Variants in FGF1 observed in about 807,000 individuals in gnomAD.
The protein encoded by FGF1 is beta-endothelial cell growth factor.
Under a neutral mutation model 13.4 loss-of-function variants are expected in FGF1, and 9 were observed. The observed-to-expected ratio is 0.67, with a 90% CI of 0.40 to 1.17. The LOEUF is 1.17. Among genes scored for constraint, FGF1 ranks in the 50% most tolerant of loss-of-function variants. FGF1 has a pLI of 0.01. For synonymous variants in FGF1, 93 were observed against 79.0 expected (o/e 1.18, Z -0.94); for missense variants, 156 against 192.7 (o/e 0.81, Z 1.13).
chr5:142,617,576 G>A (rs1275471942), intron 1 of FGF1, among the ~76,000 whole-genome samples: 2 of 152,068 alleles, frequency 1.3e-5, no homozygotes, highest in East Asian at 3.9e-4. Context: ...CAGTGAGAGG[G>A]AGCATCATGA....
At chr5:142,615,953 C>A (rs1034989715) in intron 1 of FGF1, among the ~76,000 whole-genome samples, 12 of 152,216 alleles carry the variant, frequency 7.9e-5, no homozygotes, top group African/African-American at 2.9e-4. Flanking sequence ...GTTGGCTAGT[C>A]TCCACCAACA....
At position 142,693,239 on chromosome 5, in the gene FGF1, G is replaced by A. The variant is rs768608395; in HGVS notation, c.-35+4383C>T. 7.2e-5 allele frequency among the ~76,000 whole-genome samples: 11 copies of A among 152,100 alleles called. 1 individual carries two copies. In the South Asian group the frequency reaches 8.3e-4, roughly 11 times the overall value. On this transcript the variant is annotated intron_variant, in intron 2 of 4. Coordinates refer to the FGF1 transcript ENST00000407758. Reference sequence around the variant, plus strand: ...TCACATCCTTTGGCAAAGCCCTGTCGCGGGGTTAATTATTTCAATAGCAGT... The same window carrying A: ...TCACATCCTTTGGCAAAGCCCTGTCACGGGGTTAATTATTTCAATAGCAGT...
chr5:142,658,424 A>G (rs1768565345), intron 1 of FGF1, among the ~76,000 whole-genome samples: 1 of 152,222 alleles, frequency 6.6e-6, no homozygotes, highest in African/African-American at 2.4e-5. Context: ...CACTGCCTAA[A>G]GGCCAAAGGC....
chr5:142,645,852 CCA>C (rs1194840506), intron 1 of FGF1, among the ~76,000 whole-genome samples: 2 of 152,206 alleles, frequency 1.3e-5, no homozygotes, highest in African/African-American at 4.8e-5. Flanking sequence ...CAACCTCCCT[CCA>C]CAGTCACTGC....
At chr5:142,698,066 C>T (rs916457910), upstream of FGF1, 1 of 152,256 alleles carries the variant, frequency 6.6e-6, no homozygotes, top group African/African-American at 2.4e-5. Flanking sequence ...CTCCCCCTCT[C>T]ATGTGATCTT....
intron 2 of FGF1, among the ~76,000 whole-genome samples, chr5:142,607,107 C>T (rs1757850542): frequency 1.3e-5 from 2 of 152,022 alleles, no homozygotes; most frequent in Admixed American, 1.3e-4. Context: ...CCTCGTGACC[C>T]CTGAGATGTT....
chr5:142,672,341 A>G (rs1771631043), intron 1 of FGF1, among the ~76,000 whole-genome samples: 1 of 152,114 alleles, frequency 6.6e-6, no homozygotes, highest in Admixed American at 6.5e-5. Flanking sequence ...TAACTGAACA[A>G]TTTAATTAAA....
chr5:142,638,474 C>A lies in FGF1; in HGVS notation c.-34-24313G>T, dbSNP rs746678725. Among the ~76,000 whole-genome samples the A allele has an allele frequency of 9.2e-5, 14 of 152,126 alleles. No homozygotes were observed. The Middle Eastern group carries it at 0.01, about 111-fold the overall frequency. On this transcript the variant is annotated intron_variant, in intron 1 of 3. Transcript: ENST00000337706. ...TTTTTATCCCATGTCTAGCATAAGC[C>A]TGGCACATAATATGTGCTTAATAAA...
At chr5:142,664,966 C>T (rs921158362) in intron 1 of FGF1, among the ~76,000 whole-genome samples, 2 of 152,144 alleles carry the variant, frequency 1.3e-5, no homozygotes, top group Admixed American at 6.5e-5. Flanking sequence ...CACAGTGCTG[C>T]ATTGTATAAA....
intron 2 of FGF1, among the ~76,000 whole-genome samples, chr5:142,610,039 GGAAGCA>G (rs1758718083): frequency 6.6e-6 from 1 of 152,182 alleles, no homozygotes. Context: ...CCTTAATCCT[GGAAGCA>G]GAAGATGTGG....
intron 1 of FGF1, among the ~76,000 whole-genome samples, chr5:142,684,938 C>T (rs1182094675): frequency 8.0e-6 from 1 of 125,220 alleles, no homozygotes; most frequent in Non-Finnish European, 1.7e-5. Flanking sequence ...AGGAGGGAGG[C>T]AAGCGGGGGT....
chr5:142,624,404 T>A (rs78731703), intron 1 of FGF1, among the ~76,000 whole-genome samples: 1,682 of 152,332 alleles, frequency 0.011, 18 homozygotes, highest in Non-Finnish European at 0.018. Flanking sequence ...AAAAATACCA[T>A]GTTCTAAGTG....
chr5:142,666,593 T>C (rs1213340430), intron 1 of FGF1, among the ~76,000 whole-genome samples: 1 of 152,046 alleles, frequency 6.6e-6, no homozygotes, highest in African/African-American at 2.4e-5. Context: ...AAGTGGCATA[T>C]AAAGATGTCT....
At chr5:142,641,650 C>CTTTGTTATCTCATGA (rs1299555127) in intron 1 of FGF1, among the ~76,000 whole-genome samples, 3 of 151,904 alleles carry the variant, frequency 2.0e-5, no homozygotes, top group African/African-American at 7.3e-5. Flanking sequence ...TTATTGAGTA[C>CTTTGTTATCTCATGA]TTTGTTATCT....
rs1754510780 is a variant in FGF1 at position 142,592,752 on chromosome 5, T to G, written c.*2538A>C. On this transcript the variant is annotated 3_prime_UTR_variant, in exon 4 of 4. Coordinates refer to ENST00000337706, the MANE Select transcript of FGF1 (RefSeq NM_000800.5). ...GACCCGGTTCTAAAGTTGAAAATGC[T>G]AAGTTTACCTTGCCATGTCCTCTGA... 3.5e-6 allele frequency: 1 copy of G among 287,254 alleles called. No individual in the cohort carries two copies. Among genetic ancestry groups the G allele is most frequent in the East Asian group, 6.0e-5 (1 of 16,710 alleles). 17.8% of individuals were successfully genotyped at this position (287,254 alleles called of 1,614,324 possible). A position where few individuals can be genotyped will look rare whatever the true frequency, so the allele number is the denominator to read the frequency against.
At chr5:142,630,489 T>A (rs746996976) in intron 1 of FGF1, among the ~76,000 whole-genome samples, 4 of 152,218 alleles carry the variant, frequency 2.6e-5, no homozygotes, top group Admixed American at 6.5e-5. Context: ...AAAGTTTATA[T>A]CAGATTGGCT....
chr5:142,625,151 C>T (rs1762242951), intron 1 of FGF1, among the ~76,000 whole-genome samples: 1 of 152,126 alleles, frequency 6.6e-6, no homozygotes, highest in African/African-American at 2.4e-5. Context: ...TCTAGCCACA[C>T]CAGACTCATC....
intron 1 of FGF1, among the ~76,000 whole-genome samples, chr5:142,667,658 G>A (rs1005460465): frequency 6.6e-6 from 1 of 151,994 alleles, no homozygotes; most frequent in African/African-American, 2.4e-5. Flanking sequence ...GCAGGCTGAT[G>A]GGGAGAGAGA....
intron 1 of FGF1, among the ~76,000 whole-genome samples, chr5:142,667,734 C>T (rs879670965): frequency 1.3e-5 from 2 of 152,152 alleles, no homozygotes; most frequent in Admixed American, 6.5e-5. Context: ...ATGCTGAAGG[C>T]CTCGGCGGGC....
Sources: gnomAD v4.1 joint callset for allele counts (sites outside exome capture counted in the v4.1 genomes callset) on GRCh38, gnomAD v4.1.1 for gene constraint, MANE v1.5 for transcripts, NCBI Gene and HGNC (gene_info 2026-07-23, HGNC 2026-07-21) for gene names.